NEK11: variants seen among roughly 807,000 people sequenced by gnomAD.
NEK11 encodes NIMA related kinase 11, also known as serine/threonine-protein kinase Nek11.
A neutral mutation model predicts 80.7 loss-of-function variants in NEK11; 72 were observed. The ratio of observed to expected loss-of-function variants is 0.89; its 90% CI spans 0.74 to 1.08. The LOEUF is 1.08. NEK11 is among the 50% of genes least tolerant of loss of function. The pLI is 0.00. For missense variants in NEK11, 764 were observed against 763.6 expected (o/e 1.00, Z -0.01); for synonymous variants, 251 against 260.7 (o/e 0.96, Z 0.36).
chr3:131,065,035 A>C (rs1000780280), intron 3 of NEK11, among the ~76,000 whole-genome samples: 3 of 152,200 alleles, frequency 2.0e-5, no homozygotes, highest in African/African-American at 7.2e-5. Flanking sequence ...TGGCATGTAC[A>C]AGGAAGGAAC....
At chr3:131,109,519 G>A (rs1432642856) in intron 4 of NEK11, 1 of 222,732 alleles carries the variant, frequency 4.5e-6, no homozygotes, top group Non-Finnish European at 8.7e-6. Context: ...AACTTTAAGG[G>A]GTAGGAGGGT....
intron 3 of NEK11, among the ~76,000 whole-genome samples, chr3:131,057,839 G>A (rs13066937): frequency 6.6e-6 from 1 of 151,886 alleles, no homozygotes; most frequent in African/African-American, 2.4e-5. Flanking sequence ...TTTGTAGGTT[G>A]CCTGTTCACT....
intron 3 of NEK11, among the ~76,000 whole-genome samples, chr3:131,032,187 C>G (rs1333074616): frequency 1.3e-5 from 2 of 152,178 alleles, no homozygotes; most frequent in Non-Finnish European, 2.9e-5. Flanking sequence ...GTCTTGAACT[C>G]CTGACCTCAG....
At chr3:131,175,232 C>A in intron 14 of NEK11, 1 of 519,012 alleles carries the variant, frequency 1.9e-6, no homozygotes, top group Non-Finnish European at 2.5e-6. Flanking sequence ...AAAACCTTTA[C>A]TCACTCAGTA....
chr3:131,298,236 A>G (rs1442607576), intron 17 of NEK11, among the ~76,000 whole-genome samples: 2 of 151,894 alleles, frequency 1.3e-5, no homozygotes, highest in Non-Finnish European at 2.9e-5. Flanking sequence ...ATGGCATTGA[A>G]TCTATAAATT....
intron 16 of NEK11, among the ~76,000 whole-genome samples, chr3:131,262,907 T>C (rs961552673): frequency 3.2e-4 from 49 of 151,714 alleles, no homozygotes; most frequent in African/African-American, 1.1e-3. Context: ...AGTGAGAACA[T>C]GCAATGTTTG....
intron 14 of NEK11, among the ~76,000 whole-genome samples, chr3:131,212,402 C>T (rs2094660532): frequency 6.6e-6 from 1 of 152,164 alleles, no homozygotes; most frequent in Non-Finnish European, 1.5e-5. Flanking sequence ...GTCAGTCGGC[C>T]CCTGCTGGGA....
At chr3:131,328,054 T>G (rs1377492412) in intron 17 of NEK11, among the ~76,000 whole-genome samples, 1 of 152,086 alleles carries the variant, frequency 6.6e-6, no homozygotes, top group Non-Finnish European at 1.5e-5. Context: ...GGGGCCAGCA[T>G]GAGAAGACTG....
intron 12 of NEK11, among the ~76,000 whole-genome samples, chr3:131,166,858 G>A (rs1207060458): frequency 2.6e-5 from 4 of 152,144 alleles, no homozygotes; most frequent in South Asian, 4.2e-4. Flanking sequence ...TGAAAACTGG[G>A]TGCATTTCTT....
At chr3:131,078,670 A>G (rs2074774634) in intron 3 of NEK11, among the ~76,000 whole-genome samples, 2 of 152,174 alleles carry the variant, frequency 1.3e-5, no homozygotes, top group South Asian at 4.1e-4. Flanking sequence ...AGTTAATAGC[A>G]TAATCACATT....
At chr3:131,195,638 CACA>C (rs1478507773) in intron 14 of NEK11, among the ~76,000 whole-genome samples, 3 of 151,968 alleles carry the variant, frequency 2.0e-5, no homozygotes, top group Non-Finnish European at 4.4e-5. Flanking sequence ...CTGTGTGCTG[CACA>C]ACATCAGGGA....
intron 14 of NEK11, among the ~76,000 whole-genome samples, chr3:131,223,785 A>G (rs2095104524): frequency 6.6e-6 from 1 of 152,150 alleles, no homozygotes; most frequent in African/African-American, 2.4e-5. Context: ...CAGGAAGGAC[A>G]GTGGGAGGTG....
intron 17 of NEK11, among the ~76,000 whole-genome samples, chr3:131,288,809 A>G (rs1357367461): frequency 6.6e-6 from 1 of 151,928 alleles, no homozygotes; most frequent in Admixed American, 6.6e-5. Context: ...TCCTGACTTT[A>G]TTTTTCCTCT....
chr3:131,302,034 C>T (rs564599178), intron 17 of NEK11, among the ~76,000 whole-genome samples: 26 of 152,144 alleles, frequency 1.7e-4, no homozygotes, highest in African/African-American at 6.3e-4. Context: ...AGTTTTGGAC[C>T]TCATTACTGG....
intron 17 of NEK11, among the ~76,000 whole-genome samples, chr3:131,337,454 G>T (rs1286084017): frequency 6.6e-6 from 1 of 151,606 alleles, no homozygotes; most frequent in Non-Finnish European, 1.5e-5. Context: ...ATCACACTCT[G>T]GGGACTGTTG....
intron 7 of NEK11, among the ~76,000 whole-genome samples, chr3:131,136,656 T>G (rs1378086540): frequency 6.6e-6 from 1 of 152,230 alleles, no homozygotes; most frequent in Non-Finnish European, 1.5e-5. Flanking sequence ...GCTTCATTTA[T>G]TTATAGCATT....
intron 4 of NEK11, among the ~76,000 whole-genome samples, chr3:131,106,170 A>G (rs1156889602): frequency 2.6e-5 from 4 of 152,056 alleles, no homozygotes; most frequent in African/African-American, 9.7e-5. Flanking sequence ...GTACTTTTTT[A>G]TAATACATTT....
intron 3 of NEK11, among the ~76,000 whole-genome samples, chr3:131,052,286 T>A (rs1047467270): frequency 6.6e-6 from 1 of 152,124 alleles, no homozygotes; most frequent in Non-Finnish European, 1.5e-5. Context: ...ACCATTTTCC[T>A]GTTCATGCGC....
intron 14 of NEK11, among the ~76,000 whole-genome samples, chr3:131,204,570 C>T (rs1246136326): frequency 6.6e-6 from 1 of 151,182 alleles, no homozygotes; most frequent in Non-Finnish European, 1.5e-5. Context: ...GTAGTAATTG[C>T]TTGTTTGTTT....
Sources: gnomAD v4.1 joint callset for allele counts (sites outside exome capture counted in the v4.1 genomes callset) on GRCh38, gnomAD v4.1.1 for gene constraint, MANE v1.5 for transcripts, NCBI Gene and HGNC (gene_info 2026-07-23, HGNC 2026-07-21) for gene names.